The following EXT2 variants were observed in gnomAD, a reference collection of about 807,000 sequenced individuals.
EXT2 encodes exostosin glycosyltransferase 2, also known as exostosin-2.
EXT2 carries 53 observed loss-of-function variants against 81.6 expected under a neutral mutation model. The observed-to-expected ratio is 0.65, with a 90% confidence interval of 0.52 to 0.82. The LOEUF is 0.82. EXT2 is among the 40% of genes least tolerant of loss of function. The pLI is 0.00. For synonymous variants in EXT2, 320 were observed against 340.0 expected (o/e 0.94, Z 0.65); for missense variants, 774 against 910.2 (o/e 0.85, Z 1.93).
In EXT2 at chr11:44,206,884, C is replaced by A; in HGVS notation, c.1587C>A (p.Ile529=). 6.2e-7 allele frequency: 1 copy of A among 1,614,064 alleles called. No individual in the cohort carries two copies. Among genetic ancestry groups the A allele is most frequent in the Non-Finnish European group, 8.5e-7 (1 of 1,180,000 alleles). The change falls in exon 10 of 14, where the codon ATC becomes ATA. Residue 529 remains isoleucine, a synonymous_variant. Coordinates refer to ENST00000533608, the MANE Select transcript of EXT2 (RefSeq NM_207122.2). ...LSNRFFPYDE[I]ETEAVLAIDD... Reference sequence around the variant, plus strand: ...ACCGTTTCTTCCCTTATGATGAAATCGAGACAGAAGCTGTTCTGGCCATTG... The same window carrying A: ...ACCGTTTCTTCCCTTATGATGAAATAGAGACAGAAGCTGTTCTGGCCATTG...
intron 1 of EXT2, chr11:44,103,636 A>G (rs1590542720): frequency 2.3e-6 from 1 of 432,030 alleles, no homozygotes; most frequent in African/African-American, 2.1e-5. Context: ...AACTTGGAAA[A>G]TTTTCTGGGC....
rs766344676 is a variant in EXT2, at chr11:44,197,946, G to A, written c.1423G>A (p.Glu475Lys). ...RVESLFRVIT[E>K]VSKVPSLSKL... ...AGAGAGCCTCTTCCGGGTCATCACTGAAGTGTCCAAGGTGCCCAGTCTATC... is the reference window on the plus strand; with the variant it reads ...AGAGAGCCTCTTCCGGGTCATCACTAAAGTGTCCAAGGTGCCCAGTCTATC... The change falls in exon 9 of 14, where the codon GAA becomes AAA. Residue 475 changes from glutamate (E) to lysine (K), a missense_variant. Glu to Lys is a moderately conservative substitution (Grantham distance 56, BLOSUM62 1). Around this residue, in one of 2 missense-constraint regions of EXT2, gnomAD observed 626 missense variants for 670.5 expected, o/e 0.93. Coordinates refer to ENST00000533608, the MANE Select transcript of EXT2 (RefSeq NM_207122.2). 6.2e-7 allele frequency: 1 copy of A among 1,614,076 alleles called. No homozygotes were observed. The highest frequency in any genetic ancestry group is 2.2e-5 in the East Asian group (1 of 44,880).
intron 10 of EXT2, among the ~76,000 whole-genome samples, chr11:44,227,647 T>G (rs1416390142): frequency 6.6e-6 from 1 of 152,138 alleles, no homozygotes; most frequent in Non-Finnish European, 1.5e-5. Context: ...TTTGATCCTA[T>G]CTATAGTAAT....
rs1564987350 is a variant in EXT2, at chr11:44,234,146, C to T, written c.1838C>T (p.Pro613Leu). The T allele has an allele frequency of 6.2e-7, 1 of 1,614,078 alleles. No homozygotes were observed. Residue 613 changes from proline (P) to leucine (L), a missense_variant, in exon 12 of 14, where the codon CCT becomes CTT. By Grantham distance (98) the Pro-to-Leu change is moderately conservative. Transcript: ENST00000533608. The stretch of plus-strand genomic sequence containing the variant: ...AATTACCTGTATACCTACAAAATGC[C>T]TGGGGATATCAAGAACTGGGTAGAT... ...YFNYLYTYKM[P>L]GDIKNWVDAH...
chr11:44,151,683 G>T (rs1207362611), intron 7 of EXT2, among the ~76,000 whole-genome samples: 1 of 152,152 alleles, frequency 6.6e-6, no homozygotes, highest in South Asian at 2.1e-4. Context: ...ACATCTGTGT[G>T]CAGGTTTTCG....
At chr11:44,240,332 G>C (rs1036108119) in intron 13 of EXT2, among the ~76,000 whole-genome samples, 37 of 152,218 alleles carry the variant, frequency 2.4e-4, no homozygotes, top group African/African-American at 8.4e-4. Context: ...GTGCTCAGAA[G>C]CATGGAAGGA....
At chr11:44,180,463 G>T (rs191486213) in intron 8 of EXT2, among the ~76,000 whole-genome samples, 5 of 151,926 alleles carry the variant, frequency 3.3e-5, no homozygotes, top group African/African-American at 9.7e-5. Context: ...GTTTTTTCCC[G>T]CAGTTTTCCA....
At chr11:44,224,897 T>C (rs895354187) in intron 10 of EXT2, among the ~76,000 whole-genome samples, 6 of 152,200 alleles carry the variant, frequency 3.9e-5, no homozygotes, top group African/African-American at 1.4e-4. Context: ...GGCCCAATAA[T>C]AGTTGTTTAT....
In EXT2 at chr11:44,164,625, C is replaced by T. The variant is rs1954968518; in HGVS notation, c.1174-6986C>T. Among the ~76,000 whole-genome samples the T allele has an allele frequency of 2.6e-5, 4 of 152,244 alleles. No homozygotes were observed. In the South Asian group the frequency reaches 8.3e-4, roughly 32 times the overall value. On this transcript the variant is annotated intron_variant, in intron 7 of 13. Transcript: ENST00000533608. ...TGGTTTTAAGCTGGCCCAGTCCCTG[C>T]CCTAGAGAAGCTTTATAATTCTCAT...
At chr11:44,194,035 C>T (rs191864102) in intron 8 of EXT2, among the ~76,000 whole-genome samples, 158 of 152,306 alleles carry the variant, frequency 1.0e-3, no homozygotes, top group African/African-American at 3.7e-3. Flanking sequence ...ATCAGAGCTG[C>T]GATGCCTTTC....
Position 44,246,457 on chromosome 11 carries a change from C to A in EXT2, c.*2170C>A, listed in dbSNP as rs1956094372. On this transcript the variant is annotated 3_prime_UTR_variant, in exon 14 of 14. Transcript: ENST00000533608. ...CTCTTTCATCTGAGTTCATTGTGAG[C>A]CCTAGAGAGCTGTGTGACTTTATCA... Among the ~76,000 whole-genome samples, 1 of 152,068 alleles carries A rather than the reference C, an allele frequency of 6.6e-6. No homozygotes were observed. The highest frequency in any genetic ancestry group is 2.1e-4 in the South Asian group (1 of 4,820).
chr11:44,145,192 C>A (rs1954700392), intron 7 of EXT2, among the ~76,000 whole-genome samples: 1 of 151,944 alleles, frequency 6.6e-6, no homozygotes, highest in African/African-American at 2.4e-5. Flanking sequence ...AGGGAGCTGT[C>A]GATATTAGAT....
chr11:44,211,246 T>C (rs1955644543), intron 10 of EXT2, among the ~76,000 whole-genome samples: 1 of 152,198 alleles, frequency 6.6e-6, no homozygotes, highest in Non-Finnish European at 1.5e-5. Flanking sequence ...AAAGTAGAAC[T>C]GCCATATGAT....
chr11:44,191,143 A>G (rs1487825120), intron 8 of EXT2, among the ~76,000 whole-genome samples: 1 of 152,226 alleles, frequency 6.6e-6, no homozygotes, highest in African/African-American at 2.4e-5. Context: ...TGCAGCTGGC[A>G]TTGTGACCTG....
chr11:44,248,670 T>C lies in EXT2; in HGVS notation c.*4383T>C, dbSNP rs1956115284. 6.6e-6 allele frequency among the ~76,000 whole-genome samples: 1 copy of C among 152,214 alleles called. No individual in the cohort carries two copies. Among genetic ancestry groups the C allele is most frequent in the Non-Finnish European group, 1.5e-5 (1 of 68,046 alleles). On this transcript the variant is annotated 3_prime_UTR_variant, in exon 14 of 14. Transcript: ENST00000533608. ...GCTGTGAGTTCATCTGAAGACTGGGTGAGGGCATTGTAAGCTCAAGCCACA... is the reference window on the plus strand; with the variant it reads ...GCTGTGAGTTCATCTGAAGACTGGGCGAGGGCATTGTAAGCTCAAGCCACA...
At chr11:44,223,651 CTT>C (rs869143629) in intron 10 of EXT2, among the ~76,000 whole-genome samples, 16 of 138,716 alleles carry the variant, frequency 1.2e-4, no homozygotes, top group East Asian at 2.1e-4. Context: ...AGTTGTGTGT[CTT>C]TTTTTTTTTT....
chr11:44,119,128 A>G (rs113728089), intron 4 of EXT2, among the ~76,000 whole-genome samples: 19 of 51,140 alleles, frequency 3.7e-4, no homozygotes, highest in Non-Finnish European at 5.7e-4. Flanking sequence ...GGCTATTTAT[A>G]TATATATATA....
intron 13 of EXT2, among the ~76,000 whole-genome samples, chr11:44,237,449 T>C (rs1437779276): frequency 1.3e-5 from 2 of 152,194 alleles, no homozygotes; most frequent in African/African-American, 2.4e-5. Flanking sequence ...TAATATATTA[T>C]CACTGGTATC....
chr11:44,096,056 C>A, intron 1 of EXT2: 1 of 653,358 alleles, frequency 1.5e-6, no homozygotes, highest in Non-Finnish European at 2.8e-6. Context: ...CTCCGATTTC[C>A]ACTCCTGCTT....
Sources: allele counts gnomAD v4.1 joint callset (sites outside exome capture counted in the v4.1 genomes callset), GRCh38; gene constraint gnomAD v4.1.1; regional missense constraint gnomAD v4.1.1; transcripts MANE v1.5; gene names NCBI Gene and HGNC (gene_info 2026-07-23, HGNC 2026-07-21).